The following DCLK1 variants were observed in gnomAD, a reference collection of about 807,000 sequenced individuals.
DCLK1 encodes doublecortin like kinase 1.
A neutral mutation model predicts 86.2 loss-of-function variants in DCLK1; 16 were observed. The observed-to-expected ratio is 0.19, with a 90% confidence interval of 0.13 to 0.28. The LOEUF (loss-of-function observed/expected upper bound fraction) is 0.28, where lower values mean the gene tolerates loss of function less well. Ranked by LOEUF, DCLK1 falls within the 10% of genes least tolerant of loss-of-function variation. DCLK1 has a pLI of 1.00. For synonymous variants in DCLK1, 369 were observed against 370.5 expected, an observed-to-expected ratio of 1.00 and a Z score of 0.05; for missense variants, 590 against 940.2, an observed-to-expected ratio of 0.63 and a Z score of 4.87.
intron 4 of DCLK1, among the ~76,000 whole-genome samples, chr13:35,890,767 GTTTAC>G (rs1724750163): frequency 6.6e-6 from 1 of 151,810 alleles, no homozygotes; most frequent in South Asian, 2.1e-4. Flanking sequence ...TGTTGTATTA[GTTTAC>G]TTTTCTTTAC....
Position 36,111,926 on chromosome 13 carries a change from A to G in DCLK1, c.666T>C (p.Asp222=). 2 of 1,614,236 alleles carry G rather than the reference A, an allele frequency of 1.2e-6. No individual in the cohort carries two copies. The highest frequency in any genetic ancestry group is 1.7e-6 in the Non-Finnish European group (2 of 1,180,040). ...SFEQVLTDIT[D]AIKLDSGVVK... ...CCACTCCCGAGTCCAGCTTGATGGC[A>G]TCGGTGATATCGGTGAGGACCTGCT... The change falls in exon 3 of 17, where the codon GAT becomes GAC. Residue 222 remains aspartate, a synonymous_variant. Transcript: ENST00000360631.
intron 3 of DCLK1, among the ~76,000 whole-genome samples, chr13:36,040,898 G>A (rs1015727140): frequency 2.0e-5 from 3 of 152,062 alleles, no homozygotes; most frequent in Non-Finnish European, 2.9e-5. Context: ...ATCGGTTCCT[G>A]TGTCCTTTTG....
intron 8 of DCLK1, 97 bp from the exon 9 acceptor site, chr13:35,828,404 A>G: frequency 1.1e-6 from 1 of 932,256 alleles, no homozygotes; most frequent in South Asian, 1.6e-5. Flanking sequence ...TAGATCTTGC[A>G]TCATGTTGTA....
chr13:35,820,093 T>C (rs886797669), intron 11 of DCLK1, among the ~76,000 whole-genome samples: 20 of 152,312 alleles, frequency 1.3e-4, no homozygotes, highest in African/African-American at 4.8e-4. Flanking sequence ...CAACTCTCAA[T>C]AGAATGTGAA....
At chr13:35,812,784 G>A (rs1473688861) in intron 11 of DCLK1, among the ~76,000 whole-genome samples, 11 of 152,220 alleles carry the variant, frequency 7.2e-5, no homozygotes, top group Non-Finnish European at 1.0e-4. Context: ...GCAGGTATCC[G>A]AAGATTTGTG....
At chr13:35,851,027 C>G (rs182777584) in intron 6 of DCLK1, among the ~76,000 whole-genome samples, 148 of 152,294 alleles carry the variant, frequency 9.7e-4, no homozygotes, top group African/African-American at 3.3e-3. Flanking sequence ...CCTTGATGCC[C>G]GTTGAGTTGC....
chr13:36,114,055 A>G (rs1469626174), intron 2 of DCLK1, among the ~76,000 whole-genome samples: 1 of 152,202 alleles, frequency 6.6e-6, no homozygotes, highest in Non-Finnish European at 1.5e-5. Context: ...AAGTTTCTAT[A>G]CTAAGCTAAT....
intron 3 of DCLK1, among the ~76,000 whole-genome samples, chr13:36,008,135 T>TC (rs1593811973): frequency 7.9e-6 from 1 of 126,764 alleles, no homozygotes; most frequent in East Asian, 3.1e-4. Flanking sequence ...AACTTCTCTC[T>TC]AAAATTTTTT....
intron 3 of DCLK1, among the ~76,000 whole-genome samples, chr13:36,085,567 A>G (rs528905029): frequency 6.6e-6 from 1 of 152,202 alleles, no homozygotes; most frequent in East Asian, 1.9e-4. Context: ...GGTTCCCATG[A>G]CTGCTCATGT....
intron 3 of DCLK1, among the ~76,000 whole-genome samples, chr13:36,071,560 G>A (rs1026684858): frequency 2.0e-5 from 3 of 152,120 alleles, no homozygotes; most frequent in Non-Finnish European, 2.9e-5. Context: ...TAAATTAGTG[G>A]CTATCATGAA....
chr13:35,878,915 C>T (rs976938641), intron 4 of DCLK1, among the ~76,000 whole-genome samples: 1 of 151,970 alleles, frequency 6.6e-6, no homozygotes, highest in Non-Finnish European at 1.5e-5. Context: ...CCTCCTGAGC[C>T]ACTGGGATTA....
At chr13:35,953,449 C>CT (rs1249014810) in intron 3 of DCLK1, among the ~76,000 whole-genome samples, 1 of 152,066 alleles carries the variant, frequency 6.6e-6, no homozygotes, top group East Asian at 1.9e-4. Flanking sequence ...ATAAACCCCC[C>CT]TTTTTAAAAG....
intron 6 of DCLK1, chr13:35,847,180 A>T: frequency 1.0e-6 from 1 of 968,694 alleles, no homozygotes; most frequent in Non-Finnish European, 1.2e-6. Flanking sequence ...AGTTAACACA[A>T]TATTGGATTT....
intron 3 of DCLK1, among the ~76,000 whole-genome samples, chr13:36,041,529 T>C (rs1343992595): frequency 6.6e-6 from 1 of 152,204 alleles, no homozygotes; most frequent in Non-Finnish European, 1.5e-5. Context: ...TTGAGTGAGG[T>C]TGTTTCATAC....
At chr13:36,069,926 C>A (rs1220210294) in intron 3 of DCLK1, among the ~76,000 whole-genome samples, 2 of 152,190 alleles carry the variant, frequency 1.3e-5, no homozygotes, top group Non-Finnish European at 1.5e-5. Flanking sequence ...AGAATGATCA[C>A]ATGTGCTCCA....
Position 35,822,874 on chromosome 13 carries a change from C to G in DCLK1, c.1409G>C (p.Gly470Ala). 1 of 1,613,748 alleles carries G rather than the reference C, an allele frequency of 6.2e-7. No homozygotes were observed. The highest frequency in any genetic ancestry group is 8.5e-7 in the Non-Finnish European group (1 of 1,179,944). The part of the protein sequence containing the change: ...ELYLVMELVK[G>A]GDLFDAITST... ...AGTAATGGCATCAAAAAGGTCTCCCCCCTGAGAAGAGAACAGAAGCTGAAG... is the reference window on the plus strand; with the variant it reads ...AGTAATGGCATCAAAAAGGTCTCCCGCCTGAGAAGAGAACAGAAGCTGAAG... Residue 470 changes from glycine to alanine, a missense_variant and splice_region_variant, in exon 11 of 17, where the codon GGG becomes GCG. By Grantham distance (60) the Gly-to-Ala change is moderately conservative. Coordinates refer to ENST00000360631, the MANE Select transcript of DCLK1 (RefSeq NM_001330071.2).
At chr13:36,089,131 C>T (rs1043284201) in intron 3 of DCLK1, among the ~76,000 whole-genome samples, 2 of 152,204 alleles carry the variant, frequency 1.3e-5, no homozygotes, top group East Asian at 3.9e-4. Flanking sequence ...TTGCCAGACT[C>T]ATTAAAATGC....
At chr13:36,054,052 A>T (rs1023473963) in intron 3 of DCLK1, among the ~76,000 whole-genome samples, 1 of 152,222 alleles carries the variant, frequency 6.6e-6, no homozygotes, top group Admixed American at 6.5e-5. Context: ...CTTTTGTCTT[A>T]GATTATCTTT....
chr13:35,853,057 T>C (rs1180557692), intron 6 of DCLK1, among the ~76,000 whole-genome samples: 1 of 152,294 alleles, frequency 6.6e-6, no homozygotes, highest in South Asian at 2.1e-4. Context: ...TGGGTGATGT[T>C]CACAAGAAAA....
Sources: gnomAD v4.1 joint callset for allele counts (sites outside exome capture counted in the v4.1 genomes callset) on GRCh38, gnomAD v4.1.1 for gene constraint, MANE v1.5 for transcripts, NCBI Gene and HGNC (gene_info 2026-07-23, HGNC 2026-07-21) for gene names.